Variants in ETFBKMT observed in about 807,000 individuals in gnomAD.
ETFBKMT encodes electron transfer flavoprotein subunit beta lysine methyltransferase.
Under a neutral mutation model 18.3 loss-of-function variants are expected in ETFBKMT, and 13 were observed. That is an observed-to-expected ratio of 0.71 (90% CI 0.46 to 1.13). The LOEUF (loss-of-function observed/expected upper bound fraction) is 1.13. Ranked by LOEUF, ETFBKMT falls within the 50% of genes most tolerant of loss-of-function variation. ETFBKMT has a pLI of 0.00. For synonymous variants in ETFBKMT, 84 were observed against 107.9 expected, an observed-to-expected ratio of 0.78 and a Z score of 1.37; for missense variants, 293 against 306.2, an observed-to-expected ratio of 0.96 and a Z score of 0.32.
At chr12:31,660,887 C>G (rs1011047679) in intron 1 of ETFBKMT, 1 of 152,218 alleles carries the variant, frequency 6.6e-6, no homozygotes, top group Non-Finnish European at 1.5e-5. Flanking sequence ...TATCCCACCA[C>G]TAGAATATAA....
At chr12:31,658,307 T>A (rs1951079623), upstream of ETFBKMT, among the ~76,000 whole-genome samples, 1 of 152,216 alleles carries the variant, frequency 6.6e-6, no homozygotes, top group Non-Finnish European at 1.5e-5. Flanking sequence ...AAGCAGCTCA[T>A]AAGTGGATGA....
chr12:31,655,756 T>C (rs1025084145), upstream of ETFBKMT, among the ~76,000 whole-genome samples: 1 of 152,202 alleles, frequency 6.6e-6, no homozygotes, highest in African/African-American at 2.4e-5. Flanking sequence ...AATGTGTAAA[T>C]ACCGAGTCTC....
rs974947033 is a variant in ETFBKMT at position 31,647,745 on chromosome 12, C to T, written c.-114+490C>T. On this transcript the variant is annotated intron_variant, in intron 1 of 3. Transcript: ENST00000412352. ...TCGGGAAGCTGGGACAGGAGAATCA[C>T]GTGAACCCGGGAGGCGAAGGTTGCA... 3.9e-5 allele frequency among the ~76,000 whole-genome samples: 6 copies of T among 152,082 alleles called. No homozygotes were observed. In the East Asian group the frequency reaches 7.7e-4, roughly 20 times the overall value.
At chr12:31,648,303 A>G (rs141201715) in intron 1 of ETFBKMT, among the ~76,000 whole-genome samples, 2 of 151,616 alleles carry the variant, frequency 1.3e-5, no homozygotes, top group East Asian at 3.9e-4. Context: ...ATGATGTAGT[A>G]TTTGCATAAT....
At chr12:31,647,662 C>T (rs1156530553) in intron 1 of ETFBKMT, among the ~76,000 whole-genome samples, 4 of 152,134 alleles carry the variant, frequency 2.6e-5, no homozygotes, top group African/African-American at 4.8e-5. Context: ...AACCCCGTCT[C>T]TACTAAAAAT....
Position 31,672,910 on chromosome 12 carries a change from T to A in ETFBKMT, c.*4920T>A, listed in dbSNP as rs901820840. On this transcript the variant is annotated 3_prime_UTR_variant, in exon 4 of 4. Transcript: ENST00000357721. ...AAGTTGACCTGTAGCTGAACATTTT[T>A]CCATGTCTGTATAATACTACTATAA... 1 of 154,088 alleles carries A rather than the reference T, an allele frequency of 6.5e-6. No homozygotes were observed. The highest frequency in any genetic ancestry group is 1.4e-5 in the Non-Finnish European group (1 of 69,286). 9.5% of individuals were successfully genotyped at this position (154,088 alleles called of 1,614,324 possible).
rs145210983 is a variant in ETFBKMT at position 31,667,960 on chromosome 12, A to T, written c.759A>T (p.Thr253=). Residue 253 remains threonine, a synonymous_variant, in exon 4 of 4, where the codon ACA becomes ACT. Coordinates refer to ENST00000357721, the MANE Select transcript of ETFBKMT (RefSeq NM_001135863.2). The part of the protein sequence containing the change: ...ESTRQENSGL[T]TSTVWGFQP ...CTAGGCAGGAAAACAGTGGACTGAC[A>T]ACAAGCACAGTGTGGGGTTTTCAGC... is the stretch of plus-strand genomic sequence containing the variant. The T allele has an allele frequency of 1.6e-5, 26 of 1,614,024 alleles. No individual in the cohort carries two copies. The highest frequency in any genetic ancestry group is 2.1e-5 in the Non-Finnish European group (25 of 1,179,876).
intron 1 of ETFBKMT, among the ~76,000 whole-genome samples, chr12:31,653,623 A>G (rs1951035367): frequency 6.6e-6 from 1 of 152,258 alleles, no homozygotes; most frequent in African/African-American, 2.4e-5. Flanking sequence ...CTGAAGCTCC[A>G]GAAAACCCAA....
At chr12:31,658,423 C>A (rs1215825524), upstream of ETFBKMT, among the ~76,000 whole-genome samples, 3 of 152,136 alleles carry the variant, frequency 2.0e-5, no homozygotes, top group African/African-American at 7.2e-5. Context: ...AGCAAATACA[C>A]CATTCAACTA....
At chr12:31,663,116 A>C (rs927105147) in intron 2 of ETFBKMT, among the ~76,000 whole-genome samples, 6 of 151,528 alleles carry the variant, frequency 4.0e-5, no homozygotes, top group Non-Finnish European at 8.8e-5. Context: ...TTTTTGAGAC[A>C]GAGTCTCACT....
At chr12:31,654,416 T>A (rs564167356), upstream of ETFBKMT, among the ~76,000 whole-genome samples, 1 of 152,218 alleles carries the variant, frequency 6.6e-6, no homozygotes, top group Non-Finnish European at 1.5e-5. Context: ...GCCATTGCAC[T>A]CCTAGGTATT....
chr12:31,665,628 C>G (rs573468951), intron 2 of ETFBKMT, among the ~76,000 whole-genome samples: 1 of 152,316 alleles, frequency 6.6e-6, no homozygotes, highest in East Asian at 1.9e-4. Context: ...AATCAGGCGT[C>G]TCACAGCCTT....
chr12:31,648,463 G>A (rs1213279692), intron 1 of ETFBKMT, among the ~76,000 whole-genome samples: 2 of 149,786 alleles, frequency 1.3e-5, no homozygotes, highest in East Asian at 3.9e-4. Context: ...CCAGGTTCAA[G>A]CGATTCTCCT....
Position 31,671,353 on chromosome 12 carries a change from T to G in ETFBKMT, c.*3363T>G, listed in dbSNP as rs1951266413. 1 of 152,092 alleles carries G rather than the reference T, an allele frequency of 6.6e-6. No individual in the cohort carries two copies. 9.4% of individuals were successfully genotyped at this position (152,092 alleles called of 1,614,324 possible). On this transcript the variant is annotated 3_prime_UTR_variant, in exon 4 of 4. Transcript: ENST00000357721. ...GTACCCCCCAACATATACAAGAAAG[T>G]TAGCATACTTACCCCGTTTTTCACT... is the stretch of plus-strand genomic sequence containing the variant.
chr12:31,658,253 T>G (rs186744188), upstream of ETFBKMT, among the ~76,000 whole-genome samples: 1 of 152,234 alleles, frequency 6.6e-6, no homozygotes, highest in Non-Finnish European at 1.5e-5. Context: ...TGAAAAGTTA[T>G]AGTTGAGAAA....
intron 1 of ETFBKMT, among the ~76,000 whole-genome samples, chr12:31,653,765 T>A (rs553042595): frequency 6.6e-6 from 1 of 152,240 alleles, no homozygotes; most frequent in Admixed American, 6.5e-5. Context: ...CTGGCCAACA[T>A]GGCGAAACCT....
chr12:31,663,149 G>C (rs1271560042), intron 2 of ETFBKMT, among the ~76,000 whole-genome samples: 1 of 151,808 alleles, frequency 6.6e-6, no homozygotes, highest in Non-Finnish European at 1.5e-5. Context: ...CTGGAGTGCA[G>C]TGGTGTGATC....
At chr12:31,647,871 T>A (rs7961125) in intron 1 of ETFBKMT, among the ~76,000 whole-genome samples, 58,721 of 151,254 alleles carry the variant, frequency 0.39, 11,895 homozygotes, top group African/African-American at 0.5. Context: ...AAAAAACAAG[T>A]GTTGATAAGA....
chr12:31,655,741 A>C (rs1044022299), upstream of ETFBKMT, among the ~76,000 whole-genome samples: 2 of 152,170 alleles, frequency 1.3e-5, no homozygotes, highest in Admixed American at 6.5e-5. Context: ...CTTTTCTCTT[A>C]AAGCAATGTG....
Sources: allele counts gnomAD v4.1 joint callset (sites outside exome capture counted in the v4.1 genomes callset), GRCh38; gene constraint gnomAD v4.1.1; transcripts MANE v1.5; gene names NCBI Gene and HGNC (gene_info 2026-07-23, HGNC 2026-07-21).